The following SLC38A6 variants were observed in gnomAD, a reference collection of about 807,000 sequenced individuals.
SLC38A6 encodes solute carrier family 38 member 6, also known as N system amino acid transporter NAT-1.
A neutral mutation model predicts 65.0 loss-of-function variants in SLC38A6; 73 were observed. The ratio of observed to expected loss-of-function variants is 1.12; its 90% CI spans 0.93 to 1.37. SLC38A6 has a LOEUF of 1.37. SLC38A6 is among the 40% of genes most tolerant of loss of function. SLC38A6 has a pLI of 0.00. For missense variants in SLC38A6, 561 were observed against 531.1 expected (o/e 1.06, Z -0.55); for synonymous variants, 183 against 178.8 (o/e 1.02, Z -0.19).
At chr14:61,062,163 A>G (rs1328171332) in intron 15 of SLC38A6, among the ~76,000 whole-genome samples, 1 of 152,188 alleles carries the variant, frequency 6.6e-6, no homozygotes, top group Non-Finnish European at 1.5e-5. Flanking sequence ...CATAATTTGC[A>G]GCTTATTTGA....
At position 61,043,149 on chromosome 14, in the gene SLC38A6, A is replaced by G; in HGVS notation, c.627A>G (p.Val209=). 6.6e-7 allele frequency: 1 copy of G among 1,521,702 alleles called. No individual in the cohort carries two copies. The highest frequency in any genetic ancestry group is 2.3e-5 in the East Asian group (1 of 43,622). 94.3% of individuals were successfully genotyped at this position (1,521,702 alleles called of 1,614,324 possible). The stretch of plus-strand genomic sequence containing the variant: ...GCTGATTCTGTTTACTTTTTTAGGT[A>G]ATAATTAAAAAATGGTCCATCCCTT... The part of the protein sequence containing the change: ...FFFMMFFALV[V]IIKKWSIPCP... Residue 209 remains valine, a splice_region_variant and synonymous_variant, in exon 9 of 16, where the codon GTA becomes GTG. Transcript: ENST00000267488.
intron 15 of SLC38A6, among the ~76,000 whole-genome samples, chr14:61,075,947 C>T (rs1463783225): frequency 6.6e-6 from 1 of 152,026 alleles, no homozygotes; most frequent in Non-Finnish European, 1.5e-5. Flanking sequence ...CCTCCACCTC[C>T]CAGGTTCAAG....
intron 10 of SLC38A6, among the ~76,000 whole-genome samples, chr14:61,044,263 T>G (rs1018508288): frequency 2.6e-5 from 4 of 152,222 alleles, no homozygotes; most frequent in African/African-American, 9.6e-5. Flanking sequence ...TGTAGAATGT[T>G]AGCTTGGTTA....
In SLC38A6 at chr14:61,048,509, T is replaced by C. The variant is rs2042300578; in HGVS notation, c.926-2003T>C. Among the ~76,000 whole-genome samples the C allele has an allele frequency of 2.6e-5, 4 of 152,146 alleles. No homozygotes were observed. In the South Asian group the frequency reaches 8.3e-4, roughly 32 times the overall value. On this transcript the variant is annotated intron_variant, in intron 12 of 15. Coordinates refer to ENST00000267488, the MANE Select transcript of SLC38A6 (RefSeq NM_153811.3). ...AGCATGCACCACTCTATCCCTCACA[T>C]ATGTTATGGCTCAGTTAAGAACACA...
At chr14:61,007,081 C>G (rs2039185862) in intron 3 of SLC38A6, among the ~76,000 whole-genome samples, 1 of 152,036 alleles carries the variant, frequency 6.6e-6, no homozygotes, top group African/African-American at 2.4e-5. Flanking sequence ...GGACAAAAAA[C>G]CAAACACCAC....
intron 3 of SLC38A6, among the ~76,000 whole-genome samples, chr14:61,011,952 G>A (rs536276978): frequency 6.6e-6 from 1 of 152,204 alleles, no homozygotes; most frequent in African/African-American, 2.4e-5. Flanking sequence ...AGTTTCAGAA[G>A]GAATGGTACC....
In SLC38A6 at chr14:61,006,886, C is replaced by T. The variant is rs551627921; in HGVS notation, c.311-9018C>T. On this transcript the variant is annotated intron_variant, in intron 3 of 15. Coordinates refer to ENST00000267488, the MANE Select transcript of SLC38A6 (RefSeq NM_153811.3). ...GACACATGCACACATATGTTTATTG[C>T]GGCACTATTCACAATAGCAAAGACT... Among the ~76,000 whole-genome samples the T allele has an allele frequency of 1.2e-3, 183 of 152,040 alleles. 1 individual carries two copies. The highest frequency in any genetic ancestry group is 3.4e-3 in the Middle Eastern group (1 of 294).
In SLC38A6 at chr14:61,051,902, C is replaced by G; in HGVS notation, c.1166C>G (p.Pro389Arg). The G allele has an allele frequency of 6.2e-7, 1 of 1,611,080 alleles. No homozygotes were observed. The highest frequency in any genetic ancestry group is 8.5e-7 in the Non-Finnish European group (1 of 1,179,060). Residue 389 changes from proline (P) to arginine (R), a missense_variant, in exon 14 of 16, where the codon CCT becomes CGT. Transcript: ENST00000267488. ...ATCGTTTTACTTGCAATATATGTTC[C>G]TGACATTAGAAATGTATTTGGTGTA... The part of the protein sequence containing the change: ...IIIVLLAIYV[P>R]DIRNVFGVVG...
At chr14:61,021,752 A>T (rs1289041147) in intron 5 of SLC38A6, among the ~76,000 whole-genome samples, 1 of 152,126 alleles carries the variant, frequency 6.6e-6, no homozygotes, top group Non-Finnish European at 1.5e-5. Flanking sequence ...TATCCTCATG[A>T]TTTTCTTCAC....
intron 3 of SLC38A6, among the ~76,000 whole-genome samples, chr14:60,988,098 T>G (rs2037588270): frequency 6.6e-6 from 1 of 152,210 alleles, no homozygotes; most frequent in Non-Finnish European, 1.5e-5. Context: ...TCTCTAATTC[T>G]CTTCTGAACA....
Position 61,050,481 on chromosome 14 carries a change from T to C in SLC38A6, c.926-31T>C, listed in dbSNP as rs549464022. On this transcript the variant is annotated intron_variant, in intron 12 of 15. Coordinates refer to ENST00000267488, the MANE Select transcript of SLC38A6 (RefSeq NM_153811.3). ...TGTTACTATTGATACCTTAGTACTT[T>C]ATAATGTGATCCTTATTATTTTATT... is the stretch of plus-strand genomic sequence containing the variant. The C allele has an allele frequency of 6.3e-6, 9 of 1,428,406 alleles. No individual in the cohort carries two copies. The Admixed American group carries it at 1.3e-4, about 21-fold the overall frequency. 88.5% of individuals were successfully genotyped at this position (1,428,406 alleles called of 1,614,324 possible).
chr14:60,981,777 A>T, intron 1 of SLC38A6: 2 of 1,227,510 alleles, frequency 1.6e-6, no homozygotes, highest in Non-Finnish European at 2.1e-6. Flanking sequence ...CGACTTAGTC[A>T]TGGGGGGAGG....
At chr14:61,018,697 G>A (rs1310479897) in intron 4 of SLC38A6, among the ~76,000 whole-genome samples, 1 of 152,112 alleles carries the variant, frequency 6.6e-6, no homozygotes, top group Non-Finnish European at 1.5e-5. Flanking sequence ...AGTTCCCCAG[G>A]AATCTCATCA....
At chr14:60,982,410 G>GAA in intron 1 of SLC38A6, 98 bp from the exon 2 acceptor site, 1 of 1,504,308 alleles carries the variant, frequency 6.6e-7, no homozygotes, top group East Asian at 2.3e-5. Context: ...CTGGTGGTTT[G>GAA]CAGCTTTTTT....
intron 6 of SLC38A6, among the ~76,000 whole-genome samples, chr14:61,036,776 C>G (rs955985902): frequency 6.6e-6 from 1 of 152,058 alleles, no homozygotes; most frequent in African/African-American, 2.4e-5. Context: ...CTCATCACTC[C>G]TCACTAATGT....
intron 15 of SLC38A6, among the ~76,000 whole-genome samples, chr14:61,060,957 G>A (rs947909387): frequency 1.3e-5 from 2 of 150,674 alleles, no homozygotes; most frequent in Admixed American, 1.3e-4. Flanking sequence ...CCCAGGTGAG[G>A]CAATGCCTCG....
chr14:60,984,665 A>T, intron 2 of SLC38A6, 65 bp from the exon 3 acceptor site: 1 of 1,358,780 alleles, frequency 7.4e-7, no homozygotes, highest in Non-Finnish European at 1.1e-6. Context: ...TTGTTTTTGT[A>T]ATGAGACACC....
chr14:61,040,749 T>C (rs2139762257), intron 8 of SLC38A6, among the ~76,000 whole-genome samples: 1 of 152,268 alleles, frequency 6.6e-6, no homozygotes, highest in South Asian at 2.1e-4. Flanking sequence ...CCCAAAGTGC[T>C]GAGATTATAG....
chr14:61,039,959 G>T lies in SLC38A6; in HGVS notation c.624+2276G>T, dbSNP rs1023823181. On this transcript the variant is annotated intron_variant, in intron 8 of 15. Transcript: ENST00000267488. ...TTAAAAAAATTTAACCTAAATTTTT[G>T]CCCCCTCTAAAATATTTTGCAATTT... 4.6e-5 allele frequency among the ~76,000 whole-genome samples: 7 copies of T among 150,836 alleles called. 1 individual carries two copies. The highest frequency in any genetic ancestry group is 1.7e-4 in the African/African-American group (7 of 41,004).
Sources: allele counts gnomAD v4.1 joint callset (sites outside exome capture counted in the v4.1 genomes callset), GRCh38; gene constraint gnomAD v4.1.1; transcripts MANE v1.5; gene names NCBI Gene and HGNC (gene_info 2026-07-23, HGNC 2026-07-21).